The following SAMMSON variants were observed in gnomAD, a reference collection of about 807,000 sequenced individuals.
The protein encoded by SAMMSON is survival associated mitochondrial melanoma specific oncogenic non-coding RNA, also known as long intergenic non-protein coding RNA 1212.
rs2067455691 is a variant in SAMMSON, at chr3:70,125,798, T to C, written n.507+54233T>C. On this transcript the variant is annotated intron_variant and non_coding_transcript_variant, in intron 4 of 9. Coordinates refer to ENST00000642114, the Ensembl canonical transcript of SAMMSON. ...TTTTTTCTCACATGGCGCTGCCTTA[T>C]TGTTTTGGGTCTTTGGGGCTGAAGA... 3 of 658,388 alleles carry C rather than the reference T, an allele frequency of 4.6e-6. No individual in the cohort carries two copies. The South Asian group carries it at 5.1e-5, about 11-fold the overall frequency. 40.8% of individuals were successfully genotyped at this position (658,388 alleles called of 1,614,324 possible).
downstream of SAMMSON, among the ~76,000 whole-genome samples, chr3:70,393,143 A>G (rs972733089): frequency 1.7e-4 from 26 of 152,306 alleles, no homozygotes; most frequent in African/African-American, 6.0e-4. Context: ...ATGCCATTTT[A>G]TGGCCTTTAC....
At chr3:70,388,566 C>T (rs542766273) in intron 9 of SAMMSON, among the ~76,000 whole-genome samples, 8 of 152,254 alleles carry the variant, frequency 5.3e-5, no homozygotes, top group African/African-American at 1.9e-4. Context: ...TACATGCTCA[C>T]TTCTCAATTT....
At chr3:70,300,377 T>C (rs1158559913) in intron 7 of SAMMSON, among the ~76,000 whole-genome samples, 1 of 152,102 alleles carries the variant, frequency 6.6e-6, no homozygotes, top group African/African-American at 2.4e-5. Flanking sequence ...TCGAGTATTA[T>C]TTGTGTTTGA....
At chr3:70,417,350 T>C (rs1428287445) in intron 2 of SAMMSON, among the ~76,000 whole-genome samples, 1 of 152,174 alleles carries the variant, frequency 6.6e-6, no homozygotes, top group African/African-American at 2.4e-5. Flanking sequence ...CATCCTTGTA[T>C]GGAAGTGTTC....
At position 70,269,082 on chromosome 3, in the gene SAMMSON, AT is replaced by A. The variant is rs557834385; in HGVS notation, n.674+19413del. Among the ~76,000 whole-genome samples, 619 of 152,298 alleles carry A rather than the reference AT, an allele frequency of 4.1e-3. 3 individuals carry two copies. The highest frequency in any genetic ancestry group is 0.014 in the African/African-American group (592 of 41,582). ...TTATCAACCTGTCAAAAGTTAAAAA[AT>A]ATATACATATATAAAGAGTAAAGAG... On this transcript the variant is annotated intron_variant and non_coding_transcript_variant, in intron 6 of 9. Transcript: ENST00000642114.
intron 4 of SAMMSON, among the ~76,000 whole-genome samples, chr3:70,145,773 C>A (rs1336148373): frequency 6.6e-6 from 1 of 151,754 alleles, no homozygotes; most frequent in African/African-American, 2.4e-5. Context: ...ATTAATCTTA[C>A]CTTCCACCTT....
intron 7 of SAMMSON, among the ~76,000 whole-genome samples, chr3:70,343,952 C>G (rs1702730862): frequency 6.6e-6 from 1 of 150,456 alleles, no homozygotes; most frequent in Admixed American, 6.6e-5. Flanking sequence ...TTTTGTTGCT[C>G]AAATTGTTCT....
At chr3:70,138,085 A>G (rs1358811204) in intron 4 of SAMMSON, among the ~76,000 whole-genome samples, 1 of 152,216 alleles carries the variant, frequency 6.6e-6, no homozygotes, top group African/African-American at 2.4e-5. Flanking sequence ...ATTAATTTTA[A>G]TAGATACAAG....
chr3:70,067,784 G>C (rs2067215581), intron 3 of SAMMSON, among the ~76,000 whole-genome samples: 1 of 152,094 alleles, frequency 6.6e-6, no homozygotes, highest in Non-Finnish European at 1.5e-5. Context: ...TCATGCCAGA[G>C]GTTGCCTTAT....
intron 4 of SAMMSON, among the ~76,000 whole-genome samples, chr3:70,092,623 A>C (rs1407823846): frequency 6.6e-6 from 1 of 152,022 alleles, no homozygotes; most frequent in East Asian, 1.9e-4. Context: ...TTTGTTCCCA[A>C]GCTGGGGCCC....
rs1368320155 is a variant in SAMMSON, at chr3:70,003,936, T to A, written n.22+4069T>A. Among the ~76,000 whole-genome samples, 8 of 152,188 alleles carry A rather than the reference T, an allele frequency of 5.3e-5. No individual in the cohort carries two copies. The East Asian group carries it at 1.5e-3, about 29-fold the overall frequency. On this transcript the variant is annotated intron_variant and non_coding_transcript_variant, in intron 1 of 9. Coordinates refer to ENST00000642114, the Ensembl canonical transcript of SAMMSON. ...GATAATGGTATTATACTGCTTTAAT[T>A]TGCATATATTTTATATATTTACTAT... is the stretch of plus-strand genomic sequence containing the variant.
At chr3:70,211,884 C>T (rs1360263274) in intron 4 of SAMMSON, among the ~76,000 whole-genome samples, 1 of 150,130 alleles carries the variant, frequency 6.7e-6, no homozygotes, top group East Asian at 2.0e-4. Flanking sequence ...TTCCCTTCTT[C>T]CCTTCCCTTT....
chr3:70,152,453 A>G (rs2067575586), intron 4 of SAMMSON, among the ~76,000 whole-genome samples: 1 of 152,034 alleles, frequency 6.6e-6, no homozygotes, highest in African/African-American at 2.4e-5. Flanking sequence ...GACAGTGGGT[A>G]CCTTCTTCTA....
At chr3:70,190,865 G>C (rs1701126971) in intron 4 of SAMMSON, among the ~76,000 whole-genome samples, 1 of 152,104 alleles carries the variant, frequency 6.6e-6, no homozygotes, top group African/African-American at 2.4e-5. Context: ...GTGGTTTACT[G>C]CCATGCCCAC....
At chr3:70,053,600 G>C (rs6549267) in intron 3 of SAMMSON, among the ~76,000 whole-genome samples, 5 of 152,064 alleles carry the variant, frequency 3.3e-5, no homozygotes, top group South Asian at 4.2e-4. Context: ...GATACTGTCT[G>C]TGAAATATTT....
intron 6 of SAMMSON, among the ~76,000 whole-genome samples, chr3:70,262,082 T>C (rs1701872062): frequency 6.6e-6 from 1 of 152,190 alleles, no homozygotes; most frequent in African/African-American, 2.4e-5. Context: ...GATAAAGCCT[T>C]TTCTTTTCTC....
intron 4 of SAMMSON, among the ~76,000 whole-genome samples, chr3:70,198,707 G>C (rs1701205663): frequency 6.6e-6 from 1 of 152,060 alleles, no homozygotes; most frequent in Non-Finnish European, 1.5e-5. Context: ...TGCAGGTGCT[G>C]TGGCCACTAC....
chr3:70,186,030 A>C (rs1023728558), intron 4 of SAMMSON, among the ~76,000 whole-genome samples: 3 of 152,108 alleles, frequency 2.0e-5, no homozygotes, highest in Non-Finnish European at 4.4e-5. Context: ...CACTACTGCT[A>C]TGAGCTTCCA....
At chr3:70,265,125 CAT>C (rs1376091489) in intron 6 of SAMMSON, among the ~76,000 whole-genome samples, 1 of 152,168 alleles carries the variant, frequency 6.6e-6, no homozygotes, top group Non-Finnish European at 1.5e-5. Context: ...CCTCCCATGA[CAT>C]GTGGGAATTA....
Sources: gnomAD v4.1 joint callset for allele counts (sites outside exome capture counted in the v4.1 genomes callset) on GRCh38, gnomAD v4.1.1 for gene constraint, MANE v1.5 for transcripts, NCBI Gene and HGNC (gene_info 2026-07-23, HGNC 2026-07-21) for gene names.